SH3GL2: variants seen among roughly 807,000 people sequenced by gnomAD.
SH3GL2 encodes the protein SH3 domain containing GRB2 like 2, endophilin A1.
A neutral mutation model predicts 46.0 loss-of-function variants in SH3GL2; 24 were observed. That is an observed-to-expected ratio of 0.52 (90% confidence interval 0.38 to 0.73). The LOEUF (loss-of-function observed/expected upper bound fraction) is 0.73, where lower values mean the gene tolerates loss of function less well. Among genes scored for constraint, SH3GL2 ranks in the 30% least tolerant of loss-of-function variants. The pLI, the probability that SH3GL2 is intolerant of heterozygous loss-of-function variation, is 0.00. For synonymous variants in SH3GL2, 196 were observed against 147.1 expected (o/e 1.33, Z -2.40); for missense variants, 413 against 424.2 (o/e 0.97, Z 0.23).
At chr9:17,656,770 C>CAAAAAAAAAAAAAA (rs36079244) in intron 1 of SH3GL2, among the ~76,000 whole-genome samples, 1 of 101,564 alleles carries the variant, frequency 9.8e-6, no homozygotes, top group Non-Finnish European at 1.9e-5. Context: ...GACTACATCT[C>CAAAAAAAAAAAAAA]AAAAAAAAAA....
intron 3 of SH3GL2, among the ~76,000 whole-genome samples, chr9:17,769,323 C>T (rs1449285449): frequency 6.6e-6 from 1 of 152,154 alleles, no homozygotes; most frequent in Non-Finnish European, 1.5e-5. Context: ...TTTTATTGCA[C>T]TTTTCATAAT....
At chr9:17,733,192 G>A (rs10810839) in intron 1 of SH3GL2, among the ~76,000 whole-genome samples, 42,580 of 151,904 alleles carry the variant, frequency 0.28, 6,731 homozygotes, top group East Asian at 0.53. Flanking sequence ...TTTTGCCAAA[G>A]CAAAACGAAG....
chr9:17,591,613 A>G (rs1818482738), intron 1 of SH3GL2, among the ~76,000 whole-genome samples: 2 of 152,208 alleles, frequency 1.3e-5, no homozygotes, highest in African/African-American at 4.8e-5. Flanking sequence ...GATTAGGACC[A>G]GTTTTACTTG....
chr9:17,648,185 G>T lies in SH3GL2; in HGVS notation c.45+68898G>T, dbSNP rs7865293. Reference sequence around the variant, plus strand: ...AAGCTTTGGAGAGGTCAAAAGTTATGTGTGGATTTTCAACTACACAAGGGG... The same window carrying T: ...AAGCTTTGGAGAGGTCAAAAGTTATTTGTGGATTTTCAACTACACAAGGGG... On this transcript the variant is annotated intron_variant, in intron 1 of 8. Transcript: ENST00000380607. Among the ~76,000 whole-genome samples the T allele has an allele frequency of 6.6e-4, 101 of 152,198 alleles. 1 individual carries two copies. The highest frequency in any genetic ancestry group is 2.1e-3 in the African/African-American group (85 of 41,458).
At chr9:17,624,659 C>G (rs1354386606) in intron 1 of SH3GL2, among the ~76,000 whole-genome samples, 1 of 152,142 alleles carries the variant, frequency 6.6e-6, no homozygotes, top group African/African-American at 2.4e-5. Context: ...GCTCCTGTGT[C>G]CATGTGGCAT....
intron 6 of SH3GL2, 70 bp from the exon 7 acceptor site, chr9:17,791,161 T>A: frequency 9.1e-7 from 1 of 1,096,698 alleles, no homozygotes; most frequent in Non-Finnish European, 1.4e-6. Flanking sequence ...GGTGTATGTA[T>A]GAAACAGTAG....
chr9:17,740,466 GTAT>G (rs1822492260), intron 1 of SH3GL2, among the ~76,000 whole-genome samples: 1 of 72,658 alleles, frequency 1.4e-5, no homozygotes, highest in Non-Finnish European at 3.0e-5. Context: ...ATGTCATCAA[GTAT>G]TGTATTGTAT....
intron 1 of SH3GL2, among the ~76,000 whole-genome samples, chr9:17,698,627 A>T (rs968209915): frequency 3.3e-5 from 5 of 152,176 alleles, no homozygotes; most frequent in Admixed American, 6.5e-5. Context: ...GAGAAAAGGA[A>T]ATAAGAGATT....
chr9:17,720,631 G>A (rs1419068451), intron 1 of SH3GL2, among the ~76,000 whole-genome samples: 4 of 151,782 alleles, frequency 2.6e-5, no homozygotes, highest in Non-Finnish European at 5.9e-5. Context: ...TACCTGCTAA[G>A]AAACCTTTAG....
At chr9:17,689,487 A>G (rs547632697) in intron 1 of SH3GL2, among the ~76,000 whole-genome samples, 1 of 152,204 alleles carries the variant, frequency 6.6e-6, no homozygotes, top group East Asian at 1.9e-4. Flanking sequence ...GGGGACATAC[A>G]CATTTTAAAG....
chr9:17,679,614 C>G (rs554956458), intron 1 of SH3GL2, among the ~76,000 whole-genome samples: 1 of 152,214 alleles, frequency 6.6e-6, no homozygotes, highest in Admixed American at 6.5e-5. Flanking sequence ...ATTGAATACC[C>G]TTTATTTCTT....
intron 1 of SH3GL2, among the ~76,000 whole-genome samples, chr9:17,709,680 T>TACACAC (rs3837228): frequency 0.017 from 2,522 of 148,248 alleles, 88 homozygotes; most frequent in African/African-American, 0.058. Flanking sequence ...TTATTTGTAT[T>TACACAC]ACACACACAC....
intron 1 of SH3GL2, among the ~76,000 whole-genome samples, chr9:17,675,946 A>C (rs1468251212): frequency 6.6e-6 from 1 of 152,192 alleles, no homozygotes; most frequent in Non-Finnish European, 1.5e-5. Context: ...CTCCGTCTCA[A>C]AAAAATAAAA....
intron 3 of SH3GL2, among the ~76,000 whole-genome samples, chr9:17,765,624 C>T (rs1823296790): frequency 6.6e-6 from 1 of 152,192 alleles, no homozygotes. Flanking sequence ...GCATGGTCAG[C>T]CTGCCCTTTC....
intron 2 of SH3GL2, among the ~76,000 whole-genome samples, chr9:17,751,131 G>T (rs988998419): frequency 6.6e-6 from 1 of 152,124 alleles, no homozygotes; most frequent in African/African-American, 2.4e-5. Context: ...GATGTCCTAG[G>T]GATAGAAACA....
chr9:17,776,918 G>T (rs774967792), intron 3 of SH3GL2, among the ~76,000 whole-genome samples: 19 of 152,132 alleles, frequency 1.2e-4, no homozygotes, highest in African/African-American at 4.6e-4. Context: ...CTCACACTTG[G>T]CTCCCCTGAG....
intron 1 of SH3GL2, among the ~76,000 whole-genome samples, chr9:17,718,836 T>C (rs548680319): frequency 1.3e-5 from 2 of 152,256 alleles, no homozygotes; most frequent in South Asian, 4.1e-4. Flanking sequence ...ATGATTCTGG[T>C]TCAGGTGGGT....
chr9:17,705,243 C>T (rs1046417294), intron 1 of SH3GL2, among the ~76,000 whole-genome samples: 1 of 151,994 alleles, frequency 6.6e-6, no homozygotes, highest in African/African-American at 2.4e-5. Context: ...CAGACAATAA[C>T]AGATGTTGGC....
chr9:17,624,860 C>T (rs956833636), intron 1 of SH3GL2, among the ~76,000 whole-genome samples: 1 of 152,118 alleles, frequency 6.6e-6, no homozygotes, highest in African/African-American at 2.4e-5. Flanking sequence ...AAGTGTTAGG[C>T]CCAGGCTTTG....
Sources: allele counts gnomAD v4.1 joint callset (sites outside exome capture counted in the v4.1 genomes callset), GRCh38; gene constraint gnomAD v4.1.1; transcripts MANE v1.5; gene names NCBI Gene and HGNC (gene_info 2026-07-23, HGNC 2026-07-21).